Variants in TBC1D15 observed in about 807,000 individuals in gnomAD.
TBC1D15 encodes TBC1 domain family member 15.
A neutral mutation model predicts 95.4 loss-of-function variants in TBC1D15; 39 were observed. The observed-to-expected ratio is 0.41, with a 90% CI of 0.32 to 0.53. The LOEUF is 0.53. TBC1D15 is among the 20% of genes least tolerant of loss of function. The pLI, the probability that TBC1D15 is intolerant of heterozygous loss-of-function variation, is 0.29. For synonymous variants in TBC1D15, 258 were observed against 261.3 expected, an observed-to-expected ratio of 0.99 and a Z score of 0.12; for missense variants, 733 against 794.3, an observed-to-expected ratio of 0.92 and a Z score of 0.93.
chr12:71,909,562 G>A (rs575304883), intron 11 of TBC1D15, among the ~76,000 whole-genome samples: 3 of 152,100 alleles, frequency 2.0e-5, no homozygotes, highest in Non-Finnish European at 2.9e-5. Flanking sequence ...TTAGGAGAGT[G>A]TCTAATGTTT....
intron 1 of TBC1D15, among the ~76,000 whole-genome samples, chr12:71,857,762 G>A (rs1318808962): frequency 6.6e-6 from 1 of 152,112 alleles, no homozygotes; most frequent in African/African-American, 2.4e-5. Context: ...TATATCATGT[G>A]ATAGTGCTGT....
chr12:71,874,406 G>A (rs1026975306), intron 3 of TBC1D15, among the ~76,000 whole-genome samples: 1 of 152,026 alleles, frequency 6.6e-6, no homozygotes, highest in Non-Finnish European at 1.5e-5. Context: ...TGGTATCTGT[G>A]GGGTATTGGT....
chr12:71,871,423 C>T (rs1013421824), intron 1 of TBC1D15, among the ~76,000 whole-genome samples: 6 of 152,070 alleles, frequency 3.9e-5, no homozygotes, highest in African/African-American at 4.8e-5. Context: ...TTCAAAAACA[C>T]GCCAAAATGA....
At chr12:71,872,464 A>G (rs982185558) in intron 2 of TBC1D15, among the ~76,000 whole-genome samples, 12 of 152,348 alleles carry the variant, frequency 7.9e-5, no homozygotes, top group African/African-American at 2.6e-4. Context: ...TAGAACACTT[A>G]CATTAGCCTA....
At chr12:71,887,909 T>C (rs1021896862) in intron 5 of TBC1D15, among the ~76,000 whole-genome samples, 4 of 152,226 alleles carry the variant, frequency 2.6e-5, no homozygotes, top group Admixed American at 2.6e-4. Context: ...AATGAATAAA[T>C]GGCATGATGA....
intron 11 of TBC1D15, among the ~76,000 whole-genome samples, chr12:71,911,462 T>C (rs1902293014): frequency 6.6e-6 from 1 of 151,876 alleles, no homozygotes; most frequent in South Asian, 2.1e-4. Flanking sequence ...GATGAGTTCA[T>C]GTCCTTTGTA....
At chr12:71,916,459 T>A (rs1903734214) in intron 12 of TBC1D15, among the ~76,000 whole-genome samples, 1 of 152,194 alleles carries the variant, frequency 6.6e-6, no homozygotes, top group African/African-American at 2.4e-5. Context: ...AACTATATCC[T>A]AAAGCCTTGA....
intron 10 of TBC1D15, among the ~76,000 whole-genome samples, chr12:71,904,481 A>G (rs1281478157): frequency 6.6e-6 from 1 of 152,220 alleles, no homozygotes; most frequent in Non-Finnish European, 1.5e-5. Context: ...GAAAGAAATA[A>G]TGTAAGGTTG....
chr12:71,858,036 T>G (rs1889496358), intron 1 of TBC1D15, among the ~76,000 whole-genome samples: 2 of 152,318 alleles, frequency 1.3e-5, no homozygotes, highest in Admixed American at 1.3e-4. Context: ...TTTTATGGCT[T>G]AATAGTATAC....
In TBC1D15 at chr12:71,896,920, A is replaced by AT. The variant is rs1592786138; in HGVS notation, c.1088+142dup. The AT allele has an allele frequency of 1.0e-5, 6 of 579,626 alleles. No homozygotes were observed. In the East Asian group the frequency reaches 1.9e-4, roughly 18 times the overall value. 35.9% of individuals were successfully genotyped at this position (579,626 alleles called of 1,614,324 possible). A position where few individuals can be genotyped will look rare whatever the true frequency, so the allele number is the denominator to read the frequency against. On this transcript the variant is annotated intron_variant, in intron 9 of 16. Transcript: ENST00000485960. ...TTCATTTTTATGTTTTAACTTAAAA[A>AT]TTATGAGCATTCTAATTATTTTAAA...
At position 71,917,699 on chromosome 12, in the gene TBC1D15, A is replaced by G. The variant is rs973351776; in HGVS notation, c.1403A>G (p.His468Arg). The G allele has an allele frequency of 6.2e-7, 1 of 1,600,398 alleles. No individual in the cohort carries two copies. The highest frequency in any genetic ancestry group is 1.7e-5 in the Admixed American group (1 of 59,860). ...TGTAACAATTATTTCCTTTTAAAGC[A>G]TCAGAATTTTGAAGAACAAATGCAA... is the stretch of plus-strand genomic sequence containing the variant. ...WCFASYMDQM[H>R]QNFEEQMQGM... is the part of the protein sequence containing the mutation. The change falls in exon 13 of 17, where the codon CAT (histidine) becomes CGT (arginine). Residue 468 changes from histidine (H) to arginine (R), a missense_variant and splice_region_variant. Transcript: ENST00000485960.
At chr12:71,899,375 T>G (rs1304615274) in intron 10 of TBC1D15, among the ~76,000 whole-genome samples, 1 of 152,220 alleles carries the variant, frequency 6.6e-6, no homozygotes, top group Non-Finnish European at 1.5e-5. Context: ...TCTATCTCGT[T>G]AGTTTTATAG....
intron 3 of TBC1D15, among the ~76,000 whole-genome samples, chr12:71,875,284 A>G (rs959712979): frequency 9.9e-5 from 15 of 152,196 alleles, no homozygotes; most frequent in Admixed American, 2.6e-4. Context: ...TAAATTTCTC[A>G]TCAGATGTGT....
intron 1 of TBC1D15, among the ~76,000 whole-genome samples, chr12:71,853,287 G>A (rs913152194): frequency 2.6e-5 from 4 of 152,160 alleles, no homozygotes; most frequent in Admixed American, 2.0e-4. Context: ...ACAGCACCAA[G>A]GGAGATGGTG....
intron 1 of TBC1D15, among the ~76,000 whole-genome samples, chr12:71,846,847 G>A (rs1450671509): frequency 1.5e-5 from 2 of 135,546 alleles, no homozygotes; most frequent in South Asian, 2.6e-4. Flanking sequence ...TGCAGCCTCC[G>A]CCTCCTGGGC....
At chr12:71,863,979 A>G (rs1349017829) in intron 1 of TBC1D15, among the ~76,000 whole-genome samples, 1 of 150,980 alleles carries the variant, frequency 6.6e-6, no homozygotes, top group Non-Finnish European at 1.5e-5. Flanking sequence ...TGTTTCCTCA[A>G]GGTTATTATT....
intron 1 of TBC1D15, chr12:71,850,257 A>G (rs1887440997): frequency 5.7e-6 from 3 of 526,224 alleles, no homozygotes; most frequent in Non-Finnish European, 1.1e-5. Context: ...AAGAAGTAAC[A>G]TTTCTCTGTC....
chr12:71,853,440 C>T (rs915382749), intron 1 of TBC1D15, among the ~76,000 whole-genome samples: 2 of 152,188 alleles, frequency 1.3e-5, no homozygotes, highest in Non-Finnish European at 2.9e-5. Context: ...GGATTACAGG[C>T]GTGAGCCACT....
At chr12:71,886,055 A>G (rs947708200) in intron 5 of TBC1D15, among the ~76,000 whole-genome samples, 1 of 152,216 alleles carries the variant, frequency 6.6e-6, no homozygotes, top group Non-Finnish European at 1.5e-5. Context: ...AGTGGCCTGA[A>G]CTGGGATAGT....
Sources: gnomAD v4.1 joint callset for allele counts (sites outside exome capture counted in the v4.1 genomes callset) on GRCh38, gnomAD v4.1.1 for gene constraint, MANE v1.5 for transcripts, NCBI Gene and HGNC (gene_info 2026-07-23, HGNC 2026-07-21) for gene names.